IKBKB: variants seen among roughly 807,000 people sequenced by gnomAD.
IKBKB encodes inhibitor of nuclear factor kappa-B kinase subunit beta.
In IKBKB, 42 loss-of-function variants were observed where a neutral mutation model predicts 113.6. The observed-to-expected ratio is 0.37, with a 90% CI of 0.29 to 0.48. The LOEUF (loss-of-function observed/expected upper bound fraction) is 0.48. Among genes scored for constraint, IKBKB ranks in the 20% least tolerant of loss-of-function variants. IKBKB has a pLI of 0.99. For missense variants in IKBKB, 673 were observed against 939.7 expected, an observed-to-expected ratio of 0.72 and a Z score of 3.71; for synonymous variants, 296 against 361.3, an observed-to-expected ratio of 0.82 and a Z score of 2.05.
At chr8:42,320,659 T>G in intron 15 of IKBKB, 76 bp from the exon 16 acceptor site, 1 of 1,199,906 alleles carries the variant, frequency 8.3e-7, no homozygotes, top group Non-Finnish European at 1.2e-6. Flanking sequence ...GGTCCCCTGG[T>G]CTCGCTCCCC....
At chr8:42,309,072 C>A in intron 8 of IKBKB, 47 bp downstream of exon 8, 2 of 1,585,834 alleles carry the variant, frequency 1.3e-6, no homozygotes, top group South Asian at 1.1e-5. Context: ...CCTGTCTGTT[C>A]CTTTCTCTTC....
intron 5 of IKBKB, among the ~76,000 whole-genome samples, chr8:42,298,938 T>TCCCTGCCCC (rs1459858868): frequency 1.3e-5 from 2 of 152,158 alleles, no homozygotes; most frequent in African/African-American, 4.8e-5. Flanking sequence ...CGTCCTTCCC[T>TCCCTGCCCC]CCCTGCCCCT....
At chr8:42,277,873 A>G (rs1809506377) in intron 2 of IKBKB, among the ~76,000 whole-genome samples, 1 of 152,162 alleles carries the variant, frequency 6.6e-6, no homozygotes, top group Non-Finnish European at 1.5e-5. Context: ...CTGACGTTGT[A>G]TATGTGCTAG....
At chr8:42,293,319 C>A in intron 4 of IKBKB, 124 bp from the exon 5 acceptor site, 1 of 1,153,008 alleles carries the variant, frequency 8.7e-7, no homozygotes, top group Non-Finnish European at 1.3e-6. Context: ...TCCTCAAAAG[C>A]AGGTCCCCTA....
intron 9 of IKBKB, among the ~76,000 whole-genome samples, chr8:42,315,904 C>T (rs1240056905): frequency 6.6e-6 from 1 of 152,118 alleles, no homozygotes; most frequent in Non-Finnish European, 1.5e-5. Context: ...CTCAAGTGAT[C>T]CACCTGCTTT....
rs546350872 is a variant in IKBKB at position 42,302,659 on chromosome 8, A to G, written c.389-2528A>G. Among the ~76,000 whole-genome samples the G allele has an allele frequency of 1.7e-4, 26 of 152,312 alleles. No individual in the cohort carries two copies. The South Asian group carries it at 5.2e-3, about 30-fold the overall frequency. ...TTGTATAAAATTACCATCAGACTAT[A>G]AAATCATTTATAAAAATTCAGTTGT... On this transcript the variant is annotated intron_variant, in intron 5 of 21. Coordinates refer to ENST00000520810, the MANE Select transcript of IKBKB (RefSeq NM_001556.3).
At chr8:42,274,858 G>A (rs1336281108) in intron 2 of IKBKB, among the ~76,000 whole-genome samples, 2 of 138,350 alleles carry the variant, frequency 1.4e-5, no homozygotes, top group Non-Finnish European at 3.1e-5. Flanking sequence ...GAGCCTGGAC[G>A]AGATCAGTTT....
intron 13 of IKBKB, 122 bp downstream of exon 13, chr8:42,318,797 A>G (rs542897753): frequency 2.1e-5 from 20 of 971,976 alleles, no homozygotes; most frequent in African/African-American, 1.8e-4. Flanking sequence ...AAAGGAAGAC[A>G]CTGGTTTGGA....
intron 20 of IKBKB, among the ~76,000 whole-genome samples, chr8:42,326,957 GC>G (rs1162657033): frequency 3.3e-5 from 5 of 152,276 alleles, no homozygotes; most frequent in African/African-American, 1.2e-4. Context: ...ATTACCTGGG[GC>G]AGGGGAGGAG....
At chr8:42,298,122 T>G in intron 5 of IKBKB, 1 of 985,458 alleles carries the variant, frequency 1.0e-6, no homozygotes, top group Non-Finnish European at 1.2e-6. Flanking sequence ...CTCATTATCC[T>G]TTGGAAAACA....
chr8:42,320,849 G>GTAC lies in IKBKB; in HGVS notation c.1688+7_1688+9dup. 6.4e-7 allele frequency: 1 copy of GTAC among 1,568,910 alleles called. No individual in the cohort carries two copies. Among genetic ancestry groups the GTAC allele is most frequent in the Non-Finnish European group, 8.7e-7 (1 of 1,155,566 alleles). On this transcript the variant is annotated splice_donor_region_variant and intron_variant, in intron 16 of 21. Transcript: ENST00000520810. ...GGGGGGAACGCTGGACGACCTGTGA[G>GTAC]TACTGGCTGGGGGGCCCCTCTGTGC...
chr8:42,312,646 A>G (rs1235375106), intron 8 of IKBKB, among the ~76,000 whole-genome samples: 1 of 152,244 alleles, frequency 6.6e-6, no homozygotes, highest in Non-Finnish European at 1.5e-5. Context: ...TTTCCCATCA[A>G]CAGCCTAAGT....
intron 19 of IKBKB, among the ~76,000 whole-genome samples, chr8:42,324,262 G>C (rs1820306200): frequency 6.6e-6 from 1 of 152,020 alleles, no homozygotes; most frequent in Non-Finnish European, 1.5e-5. Flanking sequence ...CGTGGGCCAC[G>C]CTTCATTTTC....
chr8:42,271,480 C>T lies in IKBKB; in HGVS notation c.-19+11C>T. 8.8e-7 allele frequency: 1 copy of T among 1,133,060 alleles called. No homozygotes were observed. The highest frequency in any genetic ancestry group is 1.2e-6 in the Non-Finnish European group (1 of 803,224). 70.2% of individuals were successfully genotyped at this position (1,133,060 alleles called of 1,614,324 possible). A position where few individuals can be genotyped will look rare whatever the true frequency, so the allele number is the denominator to read the frequency against. On this transcript the variant is annotated intron_variant, in intron 1 of 21. Transcript: ENST00000520810. ...CGTCCCTGCCGACAGGTGAGTCCCC[C>T]TCGTGGGTGCGGCCCGGGTGCCACC...
Position 42,325,835 on chromosome 8 carries a change from G to T in IKBKB, c.1987-135G>T, listed in dbSNP as rs1446308781. Reference sequence around the variant, plus strand: ...AGCACCAGTTGACCCGCAGGTGGGGGTGCCAACTGGTAGGCTGTAGGGTTA... The same window carrying T: ...AGCACCAGTTGACCCGCAGGTGGGGTTGCCAACTGGTAGGCTGTAGGGTTA... On this transcript the variant is annotated intron_variant, in intron 19 of 21. Coordinates refer to ENST00000520810, the MANE Select transcript of IKBKB (RefSeq NM_001556.3). The T allele has an allele frequency of 2.7e-6, 4 of 1,491,954 alleles. No homozygotes were observed. The South Asian group carries it at 4.1e-5, about 15-fold the overall frequency. 92.4% of individuals were successfully genotyped at this position (1,491,954 alleles called of 1,614,324 possible).
rs1658900569 is a variant in IKBKB at position 42,271,442 on chromosome 8, G to A, written c.-46G>A. On this transcript the variant is annotated 5_prime_UTR_variant, in exon 1 of 22. Transcript: ENST00000520810. Reference sequence around the variant, plus strand: ...CCGCCTTCCCCGCCCCGGGGAGCCCGCCCCCTGCCCCGCGTCCCTGCCGAC... The same window carrying A: ...CCGCCTTCCCCGCCCCGGGGAGCCCACCCCCTGCCCCGCGTCCCTGCCGAC... 6 of 889,992 alleles carry A rather than the reference G, an allele frequency of 6.7e-6. No individual in the cohort carries two copies. The highest frequency in any genetic ancestry group is 2.8e-5 in the South Asian group (2 of 71,720). 55.1% of individuals were successfully genotyped at this position (889,992 alleles called of 1,614,324 possible).
intron 2 of IKBKB, among the ~76,000 whole-genome samples, chr8:42,273,169 C>A (rs1267147331): frequency 6.6e-6 from 1 of 151,970 alleles, no homozygotes; most frequent in Non-Finnish European, 1.5e-5. Context: ...GTAATCCCAG[C>A]ACTTTGGGAG....
At chr8:42,330,138 A>T (rs1300496091) in intron 21 of IKBKB, 1 of 985,278 alleles carries the variant, frequency 1.0e-6, no homozygotes, top group Non-Finnish European at 1.2e-6. Context: ...CATAACTGAG[A>T]TTAGCTACCC....
At chr8:42,283,963 C>T (rs142298422) in intron 2 of IKBKB, among the ~76,000 whole-genome samples, 2 of 152,252 alleles carry the variant, frequency 1.3e-5, no homozygotes, top group African/African-American at 4.8e-5. Flanking sequence ...GGCAATGGCA[C>T]CTCACGCTGC....
Sources: gnomAD v4.1 joint callset for allele counts (sites outside exome capture counted in the v4.1 genomes callset) on GRCh38, gnomAD v4.1.1 for gene constraint, MANE v1.5 for transcripts, NCBI Gene and HGNC (gene_info 2026-07-23, HGNC 2026-07-21) for gene names.